PBDC1: variants seen among roughly 807,000 people sequenced by gnomAD.
The protein encoded by PBDC1 is polysaccharide biosynthesis domain containing 1, also known as protein PBDC1.
Under a neutral mutation model 12.0 loss-of-function variants are expected in PBDC1, and 3 were observed. That is an observed-to-expected ratio of 0.25 (90% confidence interval 0.11 to 0.64). PBDC1 has a LOEUF of 0.64. Among genes scored for constraint, PBDC1 ranks in the 30% least tolerant of loss-of-function variants. The probability of loss-of-function intolerance (pLI) is 0.84; values close to 1 mark genes in which losing one functional copy is unlikely to be tolerated. For synonymous variants in PBDC1, 64 were observed against 56.4 expected (o/e 1.13, Z -0.60); for missense variants, 162 against 168.1 (o/e 0.96, Z 0.20).
At chrX:76,175,367 A>C in intron 3 of PBDC1, 106 bp from the exon 4 acceptor site, 2 of 722,929 alleles carry the variant, frequency 2.8e-6, no homozygotes, top group Non-Finnish European at 4.2e-6. Flanking sequence ...CTTCCTGAAG[A>C]GATCTTCTGC....
chrX:76,176,729 G>A (rs373386439), intron 4 of PBDC1, 152 bp from the exon 5 acceptor site: 53 of 430,439 alleles, frequency 1.2e-4, no homozygotes, highest in African/African-American at 8.2e-4. Context: ...GCACAGAAAC[G>A]CATTGCTAGT....
chrX:76,176,975 A>C lies in PBDC1; in HGVS notation c.392A>C (p.Glu131Ala). Reference sequence around the variant, plus strand: ...CTAGATTGTTCTCAGGGCTACACTGAGGAAAACACCATCTTTGGTGAGTTT... The same window carrying C: ...CTAGATTGTTCTCAGGGCTACACTGCGGAAAACACCATCTTTGGTGAGTTT... The part of the protein sequence containing the change: ...LRLDCSQGYT[E>A]ENTIFAPRIQ... Residue 131 changes from glutamate (E) to alanine (A), a missense_variant, in exon 5 of 6, where the codon GAG (glutamate) becomes GCG (alanine). Physicochemically the swap from Glu to Ala is moderately radical, Grantham distance 107. Coordinates refer to ENST00000373358, the MANE Select transcript of PBDC1 (RefSeq NM_016500.5). The C allele has an allele frequency of 8.5e-7, 1 of 1,182,241 alleles. No individual in the cohort carries two copies. The highest frequency in any genetic ancestry group is 1.2e-6 in the Non-Finnish European group (1 of 869,118).
chrX:76,175,718 A>AAAGAACC, intron 4 of PBDC1, 105 bp downstream of exon 4: 1 of 568,613 alleles, frequency 1.8e-6, no homozygotes, highest in Non-Finnish European at 2.7e-6. Context: ...AAAAATATGT[A>AAAGAACC]AAGAACCAGA....
At position 76,178,093 on chromosome X, in the gene PBDC1, A is replaced by G. The variant is rs781985533; in HGVS notation, c.*185A>G. ...GTCATTCCCTTGTATGAACTGGTCTAAAGACTGTTAGTGGGGTGTTAGTTG... is the reference window on the plus strand; with the variant it reads ...GTCATTCCCTTGTATGAACTGGTCTGAAGACTGTTAGTGGGGTGTTAGTTG... On this transcript the variant is annotated 3_prime_UTR_variant, in exon 6 of 6. Transcript: ENST00000373358. The G allele has an allele frequency of 1.5e-5, 12 of 780,629 alleles. No individual in the cohort carries two copies. The South Asian group carries it at 4.0e-4, about 26-fold the overall frequency. The allele number at this position is 780,629 out of a possible 1,213,427, so 64.3% of individuals were successfully genotyped here.
rs1924828016 is a variant in PBDC1 at position 76,177,794 on chromosome X, T to C, written c.588T>C (p.Asp196=). The C allele has an allele frequency of 8.4e-7, 1 of 1,196,964 alleles. No individual in the cohort carries two copies. Among genetic ancestry groups the C allele is most frequent in the Admixed American group, 2.3e-5 (1 of 43,860 alleles). ...NTKNGGEKGA[D]SGEEKEEGIN... ...AGAATGGAGGAGAGAAAGGAGCTGATAGTGGAGAAGAAAAAGAGGAAGGAA... is the reference window on the plus strand; with the variant it reads ...AGAATGGAGGAGAGAAAGGAGCTGACAGTGGAGAAGAAAAAGAGGAAGGAA... Residue 196 remains aspartate (D), a synonymous_variant, in exon 6 of 6, where the codon GAT becomes GAC. Transcript: ENST00000373358.
intron 4 of PBDC1, among the ~76,000 whole-genome samples, chrX:76,175,854 A>C: frequency 9.0e-6 from 1 of 111,323 alleles, no homozygotes; most frequent in Middle Eastern, 4.7e-3. Context: ...TCCACCCATC[A>C]GCCCTTTCAG....
chrX:76,174,859 T>G, intron 2 of PBDC1, 31 bp from the exon 3 acceptor site: 1 of 1,175,387 alleles, frequency 8.5e-7, no homozygotes, highest in Non-Finnish European at 1.2e-6. Flanking sequence ...ATGGGGAGAT[T>G]TATGACCTGG....
chrX:76,175,230 C>T (rs782074711), intron 3 of PBDC1, among the ~76,000 whole-genome samples: 1 of 112,281 alleles, frequency 8.9e-6, no homozygotes, highest in African/African-American at 3.2e-5. Context: ...GAACAATCCA[C>T]GGAGGGCAAT....
intron 2 of PBDC1, 75 bp downstream of exon 2, chrX:76,173,725 T>C: frequency 1.5e-6 from 1 of 663,221 alleles, no homozygotes; most frequent in Non-Finnish European, 2.1e-6. Context: ...TGCCACTAAG[T>C]TATAACTTCA....
chrX:76,173,114 G>A lies in PBDC1; in HGVS notation c.-25G>A. The A allele has an allele frequency of 8.5e-7, 1 of 1,174,453 alleles. No individual in the cohort carries two copies. The highest frequency in any genetic ancestry group is 1.9e-5 in the South Asian group (1 of 53,129). On this transcript the variant is annotated 5_prime_UTR_variant, in exon 1 of 6. Transcript: ENST00000373358. ...TCAGCTTTCCAATCAGCTGCGGAAG[G>A]AGCCACGCTTTCGGGGGTTGCAAGA...
Position 76,173,526 on chromosome X carries a change from G to C in PBDC1, c.31-59G>C, listed in dbSNP as rs781935876. ...GCACGAGTCACTGCGACTGGCCTTG[G>C]GGGGAGCCACCGCGCCCGGCCTTGG... is the stretch of plus-strand genomic sequence containing the variant. On this transcript the variant is annotated intron_variant, in intron 1 of 5. Transcript: ENST00000373358. 160 of 932,269 alleles carry C rather than the reference G, an allele frequency of 1.7e-4. 1 individual carries two copies. In the East Asian group the frequency reaches 4.8e-3, roughly 28 times the overall value. The allele number at this position is 932,269 out of a possible 1,213,427, so 76.8% of individuals were successfully genotyped here. A position where few individuals can be genotyped will look rare whatever the true frequency, so the allele number is the denominator to read the frequency against.
At chrX:76,174,423 C>A (rs1924737160) in intron 2 of PBDC1, among the ~76,000 whole-genome samples, 1 of 111,866 alleles carries the variant, frequency 8.9e-6, no homozygotes, top group South Asian at 3.8e-4. Flanking sequence ...TGTGCTAATT[C>A]ATTTCTAGGT....
chrX:76,178,169 A>T lies in PBDC1; in HGVS notation c.*261A>T. The T allele has an allele frequency of 2.7e-6, 1 of 369,879 alleles. No individual in the cohort carries two copies. The highest frequency in any genetic ancestry group is 4.2e-5 in the East Asian group (1 of 23,570). The allele number at this position is 369,879 out of a possible 1,213,427, so 30.5% of individuals were successfully genotyped here. On this transcript the variant is annotated 3_prime_UTR_variant, in exon 6 of 6. Transcript: ENST00000373358. ...GCTGACACTACTGGTCAAGTAAGAA[A>T]TTTGTAAATAAATTTCTTTTGGTTC...
chrX:76,176,655 A>G (rs182082270), intron 4 of PBDC1, among the ~76,000 whole-genome samples: 1 of 112,254 alleles, frequency 8.9e-6, no homozygotes, highest in East Asian at 2.8e-4. Context: ...TAAAGGATTT[A>G]TATATTTTTC....
intron 2 of PBDC1, among the ~76,000 whole-genome samples, chrX:76,174,548 G>A (rs782673533): frequency 1.7e-4 from 19 of 112,066 alleles, no homozygotes; most frequent in Non-Finnish European, 3.0e-4. Flanking sequence ...CAACTCAGTG[G>A]AATTGATGGG....
At chrX:76,177,481 A>G (rs782707413) in intron 5 of PBDC1, 135 bp from the exon 6 acceptor site, 83 of 536,971 alleles carry the variant, frequency 1.5e-4, no homozygotes, top group Admixed American at 2.3e-4. Context: ...AACCAGGGAA[A>G]TTGAGGCTGC....
rs190770673 is a variant in PBDC1 at position 76,176,834 on chromosome X, T to C, written c.298-47T>C. The C allele has an allele frequency of 6.5e-4, 563 of 864,675 alleles. 1 individual carries two copies. In the African/African-American group the frequency reaches 9.8e-3, roughly 15 times the overall value. The allele number at this position is 864,675 out of a possible 1,213,427, so 71.3% of individuals were successfully genotyped here. ...AAGTCCCTCTCCTGGCCTTAGTACG[T>C]CAGCCTCTTGCATTTGTCAGCTAAA... is the stretch of plus-strand genomic sequence containing the variant. On this transcript the variant is annotated intron_variant, in intron 4 of 5. Coordinates refer to ENST00000373358, the MANE Select transcript of PBDC1 (RefSeq NM_016500.5).
At chrX:76,175,009 T>A in intron 3 of PBDC1, 60 bp downstream of exon 3, 2 of 839,401 alleles carry the variant, frequency 2.4e-6, no homozygotes, top group Non-Finnish European at 3.6e-6. Context: ...TGTATGATGC[T>A]CTGCTTATCA....
In PBDC1 at chrX:76,174,898, T is replaced by C; in HGVS notation, c.105T>C (p.Ile35=). 1 of 1,208,542 alleles carries C rather than the reference T, an allele frequency of 8.3e-7. No individual in the cohort carries two copies. Among genetic ancestry groups the C allele is most frequent in the Non-Finnish European group, 1.1e-6 (1 of 892,346 alleles). ...PAESYGNDPD[I]EMAWAMRAMQ... is the part of the protein sequence containing the mutation. The stretch of plus-strand genomic sequence containing the variant: ...TCTTCACTCCTTTGCAGCCTGACAT[T>C]GAGATGGCTTGGGCCATGAGAGCAA... Residue 35 remains isoleucine, a synonymous_variant, in exon 3 of 6, where the codon ATT becomes ATC. Coordinates refer to ENST00000373358, the MANE Select transcript of PBDC1 (RefSeq NM_016500.5).
Sources: gnomAD v4.1 joint callset for allele counts (sites outside exome capture counted in the v4.1 genomes callset) on GRCh38, gnomAD v4.1.1 for gene constraint, MANE v1.5 for transcripts, NCBI Gene and HGNC (gene_info 2026-07-23, HGNC 2026-07-21) for gene names.